Variants in EZH2 observed in about 807,000 individuals in gnomAD.
The protein encoded by EZH2 is enhancer of zeste 2 polycomb repressive complex 2 subunit.
EZH2 carries 18 observed loss-of-function variants against 98.4 expected under a neutral mutation model. The ratio of observed to expected loss-of-function variants is 0.18; its 90% CI spans 0.13 to 0.27. The LOEUF (loss-of-function observed/expected upper bound fraction) is 0.27, where lower values mean the gene tolerates loss of function less well. Ranked by LOEUF, EZH2 falls within the 10% of genes least tolerant of loss-of-function variation. The pLI is 1.00. For synonymous variants in EZH2, 338 were observed against 312.3 expected, an observed-to-expected ratio of 1.08 and a Z score of -0.87; for missense variants, 470 against 935.1, an observed-to-expected ratio of 0.50 and a Z score of 6.49.
At chr7:148,833,194 C>T (rs1378542434) in intron 3 of EZH2, among the ~76,000 whole-genome samples, 1 of 152,196 alleles carries the variant, frequency 6.6e-6, no homozygotes, top group African/African-American at 2.4e-5. Flanking sequence ...CGCGGTGGCT[C>T]ACGCCTGTAA....
At chr7:148,809,817 C>G (rs1268577622) in intron 17 of EZH2, among the ~76,000 whole-genome samples, 1 of 152,198 alleles carries the variant, frequency 6.6e-6, no homozygotes, top group Non-Finnish European at 1.5e-5. Context: ...GAATATCTTA[C>G]ATGTTAAGCC....
At chr7:148,861,818 A>T (rs542443401) in intron 1 of EZH2, among the ~76,000 whole-genome samples, 85 of 151,786 alleles carry the variant, frequency 5.6e-4, no homozygotes, top group South Asian at 2.1e-3. Flanking sequence ...AAAAAAAAAA[A>T]AAATTAATTA....
chr7:148,823,158 T>C (rs563327628), intron 8 of EZH2, among the ~76,000 whole-genome samples: 10 of 152,346 alleles, frequency 6.6e-5, no homozygotes, highest in African/African-American at 2.4e-4. Flanking sequence ...GGTAACACCT[T>C]CTATGGGCAG....
chr7:148,840,693 C>T (rs751328628), intron 3 of EZH2, among the ~76,000 whole-genome samples: 9 of 152,072 alleles, frequency 5.9e-5, no homozygotes, highest in Non-Finnish European at 8.8e-5. Context: ...CCAGCCTTTC[C>T]AAAATGTTAC....
chr7:148,810,530 G>T, intron 16 of EZH2, 116 bp from the exon 17 acceptor site: 1 of 615,440 alleles, frequency 1.6e-6, no homozygotes, highest in South Asian at 2.1e-5. Context: ...CAACAAAAAG[G>T]GTCACTACAG....
rs756914058 is a variant in EZH2, at chr7:148,814,899, G to C, written c.1672+15C>G. 34 of 1,608,894 alleles carry C rather than the reference G, an allele frequency of 2.1e-5. No individual in the cohort carries two copies. The highest frequency in any genetic ancestry group is 4.3e-4 in the Middle Eastern group (2 of 4,686). On this transcript the variant is annotated intron_variant, in intron 14 of 19. Coordinates refer to ENST00000320356, the MANE Select transcript of EZH2 (RefSeq NM_004456.5). ...TTAGTTCTCATGCAATTGCATCAAA[G>C]CAACAAATACTTACACTCTGAACTA...
intron 8 of EZH2, among the ~76,000 whole-genome samples, chr7:148,821,901 CAGG>C (rs1456335258): frequency 1.3e-5 from 2 of 152,242 alleles, no homozygotes; most frequent in South Asian, 2.1e-4. Context: ...CAAGAATTGC[CAGG>C]AGATCTCTGA....
chr7:148,882,577 T>C (rs1257621496), intron 1 of EZH2, among the ~76,000 whole-genome samples: 2 of 152,242 alleles, frequency 1.3e-5, no homozygotes, highest in African/African-American at 2.4e-5. Flanking sequence ...TACACACTTG[T>C]ACAGTATTCC....
intron 1 of EZH2, among the ~76,000 whole-genome samples, chr7:148,852,108 G>A (rs1237760684): frequency 2.0e-5 from 3 of 152,146 alleles, no homozygotes; most frequent in African/African-American, 7.2e-5. Flanking sequence ...AAGTCTACCT[G>A]TATACAGTGA....
At chr7:148,863,212 C>T (rs77278398) in intron 1 of EZH2, among the ~76,000 whole-genome samples, 2,803 of 152,028 alleles carry the variant, frequency 0.018, 101 homozygotes, top group African/African-American at 0.064. Flanking sequence ...TAATACCCTG[C>T]CTTTTCTTGA....
At chr7:148,832,397 A>T (rs1165857218) in intron 4 of EZH2, among the ~76,000 whole-genome samples, 1 of 152,154 alleles carries the variant, frequency 6.6e-6, no homozygotes, top group Non-Finnish European at 1.5e-5. Flanking sequence ...AAATATTTTT[A>T]ATCCTAGGTA....
In EZH2 at chr7:148,829,698, T is replaced by A. The variant is rs747492511; in HGVS notation, c.484+30A>T. ...AAGTGTCTCTCAATTCTTTAGCCCC[T>A]TTTTCCAAGAGAAGAAGCATATGGC... On this transcript the variant is annotated intron_variant, in intron 5 of 19. Transcript: ENST00000320356. 7 of 1,593,698 alleles carry A rather than the reference T, an allele frequency of 4.4e-6. No homozygotes were observed. The South Asian group carries it at 6.9e-5, about 16-fold the overall frequency.
intron 4 of EZH2, among the ~76,000 whole-genome samples, chr7:148,830,738 G>C (rs1809143368): frequency 6.6e-6 from 1 of 152,106 alleles, no homozygotes; most frequent in South Asian, 2.1e-4. Context: ...AAGAAGAATA[G>C]CCAATCAAAC....
At chr7:148,844,737 A>G (rs1813528738) in intron 3 of EZH2, among the ~76,000 whole-genome samples, 1 of 152,248 alleles carries the variant, frequency 6.6e-6, no homozygotes, top group Non-Finnish European at 1.5e-5. Context: ...TCCATTTGAC[A>G]AAATTAAAAG....
At chr7:148,837,061 T>A (rs929021778) in intron 3 of EZH2, 2 of 445,176 alleles carry the variant, frequency 4.5e-6, no homozygotes, top group Admixed American at 5.3e-5. Context: ...TGCTAGAGAC[T>A]TTACCAAAGT....
At chr7:148,842,946 A>T (rs1206222882) in intron 3 of EZH2, among the ~76,000 whole-genome samples, 2 of 151,766 alleles carry the variant, frequency 1.3e-5, no homozygotes, top group Non-Finnish European at 1.5e-5. Flanking sequence ...GGTGGCTCAC[A>T]CTTGTAATCC....
chr7:148,857,056 G>A (rs1462195487), intron 1 of EZH2, among the ~76,000 whole-genome samples: 1 of 152,202 alleles, frequency 6.6e-6, no homozygotes, highest in Non-Finnish European at 1.5e-5. Flanking sequence ...TGTACTCCCC[G>A]ATGTGATGAA....
At chr7:148,830,312 G>A (rs1359806882) in intron 4 of EZH2, among the ~76,000 whole-genome samples, 1 of 152,160 alleles carries the variant, frequency 6.6e-6, no homozygotes, top group African/African-American at 2.4e-5. Flanking sequence ...CTGACACCAT[G>A]AGCCACCATG....
intron 9 of EZH2, among the ~76,000 whole-genome samples, chr7:148,819,225 A>G (rs1165785862): frequency 1.3e-5 from 2 of 152,078 alleles, no homozygotes; most frequent in Admixed American, 6.6e-5. Flanking sequence ...ACTCAAGTAG[A>G]GGGATATGGC....
Sources: gnomAD v4.1 joint callset for allele counts (sites outside exome capture counted in the v4.1 genomes callset) on GRCh38, gnomAD v4.1.1 for gene constraint, MANE v1.5 for transcripts, NCBI Gene and HGNC (gene_info 2026-07-23, HGNC 2026-07-21) for gene names.